The following MAP3K13 variants were observed in gnomAD, a reference collection of about 807,000 sequenced individuals.
MAP3K13 encodes the protein mitogen-activated protein kinase kinase kinase 13, also known as leucine zipper-bearing kinase.
In MAP3K13, 52 loss-of-function variants were observed where a neutral mutation model predicts 104.0. That is an observed-to-expected ratio of 0.50 (90% CI 0.40 to 0.63). The LOEUF (loss-of-function observed/expected upper bound fraction) is 0.63. Among genes scored for constraint, MAP3K13 ranks in the 20% least tolerant of loss-of-function variants. The pLI is 0.00. For missense variants in MAP3K13, 914 were observed against 1,218.5 expected (o/e 0.75, Z 3.72); for synonymous variants, 394 against 442.2 (o/e 0.89, Z 1.37).
chr3:185,378,552 T>A (rs1724549523), intron 1 of MAP3K13, among the ~76,000 whole-genome samples: 2 of 151,582 alleles, frequency 1.3e-5, no homozygotes, highest in African/African-American at 4.9e-5. Context: ...GATTATAGGG[T>A]CGGGGAGCAG....
At chr3:185,474,873 G>T (rs1718019576) in intron 11 of MAP3K13, among the ~76,000 whole-genome samples, 1 of 152,090 alleles carries the variant, frequency 6.6e-6, no homozygotes, top group Non-Finnish European at 1.5e-5. Flanking sequence ...GAGGCAGGTG[G>T]ATCATGAGGT....
chr3:185,454,537 T>TATATATGATATATAG (rs1560116794), intron 7 of MAP3K13, among the ~76,000 whole-genome samples: 2 of 19,994 alleles, frequency 1.0e-4, no homozygotes, highest in South Asian at 9.7e-4. Context: ...ATATATGAGA[T>TATATATGATATATAG]ATATATATGA....
Position 185,480,221 on chromosome 3 carries a change from C to G in MAP3K13, c.2502-11C>G, listed in dbSNP as rs372473696. ...CTCTGACTAAGTTCTCCTGGTTCTT[C>G]TTGGTTCTAGGCCCCATCGCTGTAT... On this transcript the variant is annotated splice_polypyrimidine_tract_variant and intron_variant, in intron 12 of 13. Transcript: ENST00000265026. 5.0e-6 allele frequency: 8 copies of G among 1,608,496 alleles called. No individual in the cohort carries two copies. Among genetic ancestry groups the G allele is most frequent in the Non-Finnish European group, 6.8e-6 (8 of 1,176,388 alleles).
At chr3:185,374,309 G>T (rs531972653) in intron 1 of MAP3K13, among the ~76,000 whole-genome samples, 14 of 152,204 alleles carry the variant, frequency 9.2e-5, no homozygotes, top group African/African-American at 2.6e-4. Flanking sequence ...GAAAATTTTT[G>T]GGGGTTGTAT....
At chr3:185,353,018 A>C (rs995994178) in intron 2 of MAP3K13, among the ~76,000 whole-genome samples, 5 of 152,256 alleles carry the variant, frequency 3.3e-5, no homozygotes, top group African/African-American at 1.2e-4. Flanking sequence ...ATGGAAAACC[A>C]AGAGCTTTCC....
chr3:185,312,897 C>G (rs1721542531), intron 2 of MAP3K13, among the ~76,000 whole-genome samples: 2 of 152,008 alleles, frequency 1.3e-5, no homozygotes, highest in African/African-American at 4.8e-5. Context: ...TACATACGGA[C>G]ATACTTTCTG....
rs543690161 is a variant in MAP3K13, at chr3:185,477,013, T to A, written c.2431-313T>A. Reference sequence around the variant, plus strand: ...AGAGACTGACCCCAAATCCAAGACCTCCTCTCCAACTTCCCTCTCCATCAC... The same window carrying A: ...AGAGACTGACCCCAAATCCAAGACCACCTCTCCAACTTCCCTCTCCATCAC... On this transcript the variant is annotated intron_variant, in intron 11 of 13. Coordinates refer to ENST00000265026, the MANE Select transcript of MAP3K13 (RefSeq NM_004721.5). 211 of 488,294 alleles carry A rather than the reference T, an allele frequency of 4.3e-4. 2 individuals carry two copies. The highest frequency in any genetic ancestry group is 3.5e-3 in the South Asian group (205 of 57,774). 30.2% of individuals were successfully genotyped at this position (488,294 alleles called of 1,614,324 possible).
chr3:185,471,453 T>TTC (rs1717782642), intron 10 of MAP3K13, among the ~76,000 whole-genome samples: 2 of 72,378 alleles, frequency 2.8e-5, no homozygotes, highest in African/African-American at 7.5e-5. Flanking sequence ...GACCTTTACT[T>TTC]TTTTTTTTTT....
At chr3:185,288,892 C>A (rs1720632998) in intron 2 of MAP3K13, among the ~76,000 whole-genome samples, 1 of 152,236 alleles carries the variant, frequency 6.6e-6, no homozygotes, top group South Asian at 2.1e-4. Flanking sequence ...ATAAGTCTTT[C>A]CTAGCATTCC....
intron 1 of MAP3K13, among the ~76,000 whole-genome samples, chr3:185,366,220 T>C (rs2108745991): frequency 6.6e-6 from 1 of 152,096 alleles, no homozygotes; most frequent in Non-Finnish European, 1.5e-5. Flanking sequence ...TGTAACTAGC[T>C]TATTTCACTT....
At chr3:185,367,771 T>C (rs1460646145) in intron 1 of MAP3K13, among the ~76,000 whole-genome samples, 1 of 152,104 alleles carries the variant, frequency 6.6e-6, no homozygotes. Context: ...ATTTCTTAAA[T>C]TTTTTATAGA....
At chr3:185,284,299 G>C (rs1341485178) in intron 1 of MAP3K13, among the ~76,000 whole-genome samples, 1 of 152,114 alleles carries the variant, frequency 6.6e-6, no homozygotes, top group Non-Finnish European at 1.5e-5. Context: ...AAAATCCAGA[G>C]ATTACAGCTG....
intron 2 of MAP3K13, among the ~76,000 whole-genome samples, chr3:185,321,059 T>C (rs1403901066): frequency 6.6e-6 from 1 of 151,428 alleles, no homozygotes; most frequent in African/African-American, 2.4e-5. Flanking sequence ...CATATACACA[T>C]GCATGCACAC....
At chr3:185,365,477 T>A (rs560764737) in intron 1 of MAP3K13, among the ~76,000 whole-genome samples, 1 of 152,342 alleles carries the variant, frequency 6.6e-6, no homozygotes, top group South Asian at 2.1e-4. Context: ...ATACTTCAGA[T>A]GGCAAAACCG....
At chr3:185,336,446 G>A (rs1307001981) in intron 2 of MAP3K13, among the ~76,000 whole-genome samples, 1 of 151,340 alleles carries the variant, frequency 6.6e-6, no homozygotes, top group Non-Finnish European at 1.5e-5. Flanking sequence ...GGAGGCTGAG[G>A]CAGGAAAACC....
intron 12 of MAP3K13, among the ~76,000 whole-genome samples, chr3:185,478,112 C>T (rs1577629127): frequency 6.6e-6 from 1 of 152,248 alleles, no homozygotes; most frequent in East Asian, 1.9e-4. Context: ...GATTTTATAT[C>T]TCAAGTTAAA....
chr3:185,308,990 G>GA (rs952487539), intron 2 of MAP3K13, among the ~76,000 whole-genome samples: 47 of 152,130 alleles, frequency 3.1e-4, no homozygotes, highest in African/African-American at 8.7e-4. Context: ...GTGGGGGAAT[G>GA]AGGTCTGGGG....
intron 1 of MAP3K13, chr3:185,417,789 T>G (rs1317229204): frequency 6.2e-7 from 1 of 1,611,916 alleles, no homozygotes; most frequent in Non-Finnish European, 8.5e-7. Context: ...TCTTTGCATA[T>G]GGGTTTAGCT....
chr3:185,348,974 T>G (rs2108729061), intron 2 of MAP3K13, among the ~76,000 whole-genome samples: 1 of 151,966 alleles, frequency 6.6e-6, no homozygotes, highest in Non-Finnish European at 1.5e-5. Flanking sequence ...TGGTTATGGG[T>G]TTTGAAAAGA....
Sources: allele counts gnomAD v4.1 joint callset (sites outside exome capture counted in the v4.1 genomes callset), GRCh38; gene constraint gnomAD v4.1.1; transcripts MANE v1.5; gene names NCBI Gene and HGNC (gene_info 2026-07-23, HGNC 2026-07-21).